Variants in PCDH15 observed in about 807,000 individuals in gnomAD.
The protein encoded by PCDH15 is protocadherin-15.
Under a neutral mutation model 178.5 loss-of-function variants are expected in PCDH15, and 129 were observed. The ratio of observed to expected loss-of-function variants is 0.72; its 90% CI spans 0.63 to 0.84. The LOEUF is 0.84. PCDH15 is among the 40% of genes least tolerant of loss of function. The pLI, the probability that PCDH15 is intolerant of heterozygous loss-of-function variation, is 0.00. For synonymous variants in PCDH15, 800 were observed against 732.0 expected (o/e 1.09, Z -1.50); for missense variants, 2,230 against 2,099.9 (o/e 1.06, Z -1.21).
In PCDH15 at chr10:53,828,558, T is replaced by C. The variant is rs756020408; in HGVS notation, c.4211+7A>G. Reference sequence around the variant, plus strand: ...AAAAGGATGTGTAAAATGTTAATTATACTTACACTTTAAACCTGTTTGGGA... The same window carrying C: ...AAAAGGATGTGTAAAATGTTAATTACACTTACACTTTAAACCTGTTTGGGA... On this transcript the variant is annotated splice_region_variant and intron_variant, in intron 31 of 37. Transcript: ENST00000644397. 20 of 1,552,908 alleles carry C rather than the reference T, an allele frequency of 1.3e-5. No individual in the cohort carries two copies. In the African/African-American group the frequency reaches 2.6e-4, roughly 20 times the overall value.
chr10:54,602,997 C>T (rs1164477129), intron 2 of PCDH15, among the ~76,000 whole-genome samples: 12 of 151,872 alleles, frequency 7.9e-5, no homozygotes, highest in Non-Finnish European at 1.0e-4. Context: ...AGTGTTCCAT[C>T]ATCTAGATTT....
intron 2 of PCDH15, among the ~76,000 whole-genome samples, chr10:55,038,680 G>A (rs531443547): frequency 9.8e-4 from 149 of 152,254 alleles, no homozygotes; most frequent in Non-Finnish European, 1.4e-3. Flanking sequence ...GGACTCTATA[G>A]TAGTAATGAT....
At chr10:55,174,746 T>C (rs183908922) in intron 1 of PCDH15, among the ~76,000 whole-genome samples, 414 of 152,276 alleles carry the variant, frequency 2.7e-3, no homozygotes, top group Non-Finnish European at 4.9e-3. Flanking sequence ...CCATGTTCTT[T>C]CTTAACTTGT....
chr10:54,811,294 CAT>C (rs1952858508), intron 3 of PCDH15, among the ~76,000 whole-genome samples: 2 of 151,860 alleles, frequency 1.3e-5, no homozygotes, highest in South Asian at 2.1e-4. Context: ...ATAAAAAACA[CAT>C]ATAGATTCTC....
intron 23 of PCDH15, among the ~76,000 whole-genome samples, chr10:53,953,847 T>C (rs2087335635): frequency 2.0e-5 from 3 of 152,160 alleles, no homozygotes. Context: ...TGGAGTGCAG[T>C]GGCGCAATCT....
At chr10:54,320,184 TGAG>T (rs1564956430) in intron 7 of PCDH15, among the ~76,000 whole-genome samples, 1 of 152,098 alleles carries the variant, frequency 6.6e-6, no homozygotes, top group African/African-American at 2.4e-5. Context: ...CAGATACTTA[TGAG>T]AGTGAGGCTG....
intron 2 of PCDH15, among the ~76,000 whole-genome samples, chr10:54,559,718 A>AT (rs2087800800): frequency 6.6e-6 from 1 of 151,970 alleles, no homozygotes; most frequent in Non-Finnish European, 1.5e-5. Context: ...TACCTTAATG[A>AT]TGACCTCTTC....
At chr10:54,974,084 GACACACACACACATACAGACACAC>G (rs1839006368) in intron 2 of PCDH15, among the ~76,000 whole-genome samples, 3 of 129,224 alleles carry the variant, frequency 2.3e-5, no homozygotes, top group Non-Finnish European at 3.4e-5. Context: ...CACACACACA[GACACACACACACATACAGACACAC>G]ACACACACAT....
At position 55,207,971 on chromosome 10, in the gene PCDH15, AAAAC is replaced by A. The variant is rs560366726; in HGVS notation, c.-155-41324_-155-41321del. ...GTGACAGAGTGACAGTCTATCTCAAAAAACAAACAAACAAACAAAAAATTAATAG... is the reference window on the plus strand; with the variant it reads ...GTGACAGAGTGACAGTCTATCTCAAAAAACAAACAAACAAAAAATTAATAG... On this transcript the variant is annotated intron_variant, in intron 1 of 5. Transcript: ENST00000458638. Among the ~76,000 whole-genome samples the A allele has an allele frequency of 2.4e-3, 372 of 152,254 alleles. 6 individuals are homozygous for A. The highest frequency in any genetic ancestry group is 8.2e-3 in the African/African-American group (342 of 41,520).
intron 1 of PCDH15, among the ~76,000 whole-genome samples, chr10:55,228,541 A>G (rs1841121009): frequency 6.6e-6 from 1 of 152,046 alleles, no homozygotes; most frequent in Non-Finnish European, 1.5e-5. Flanking sequence ...TTTGTAATTA[A>G]GTGTTAAATG....
intron 2 of PCDH15, among the ~76,000 whole-genome samples, chr10:55,573,236 G>A (rs956137806): frequency 1.3e-5 from 2 of 152,026 alleles, no homozygotes; most frequent in Admixed American, 6.6e-5. Context: ...AAGCAACAAA[G>A]GTAAATGTAA....
chr10:54,472,796 A>G (rs1196851409), intron 3 of PCDH15, among the ~76,000 whole-genome samples: 1 of 152,302 alleles, frequency 6.6e-6, no homozygotes, highest in East Asian at 1.9e-4. Flanking sequence ...AGGAGTGGAC[A>G]GGTGTTTATG....
At chr10:54,189,401 C>T (rs1333837096) in intron 11 of PCDH15, 2 of 1,499,848 alleles carry the variant, frequency 1.3e-6, no homozygotes, top group Non-Finnish European at 9.0e-7. Flanking sequence ...GCAAATTAAA[C>T]ATGAAATAAA....
At chr10:55,172,869 T>C (rs983467415) in intron 1 of PCDH15, among the ~76,000 whole-genome samples, 19 of 151,938 alleles carry the variant, frequency 1.3e-4, no homozygotes, top group Non-Finnish European at 5.9e-5. Flanking sequence ...AGAAAGCTGT[T>C]ATTAGAAAAA....
rs570813828 is a variant in PCDH15 at position 55,107,615 on chromosome 10, C to T, written c.-80+58961G>A. ...CAAGCGATTCTACTGCTTCAAACTCCCAAGTAGCTTGTATTGCAGGTGCGC... is the reference window on the plus strand; with the variant it reads ...CAAGCGATTCTACTGCTTCAAACTCTCAAGTAGCTTGTATTGCAGGTGCGC... On this transcript the variant is annotated intron_variant, in intron 2 of 5. Transcript: ENST00000458638. Among the ~76,000 whole-genome samples, 15 of 151,536 alleles carry T rather than the reference C, an allele frequency of 9.9e-5. No individual in the cohort carries two copies. The South Asian group carries it at 1.5e-3, about 15-fold the overall frequency.
intron 3 of PCDH15, among the ~76,000 whole-genome samples, chr10:54,494,721 T>C (rs2079948058): frequency 6.6e-6 from 1 of 152,162 alleles, no homozygotes; most frequent in Non-Finnish European, 1.5e-5. Flanking sequence ...TCTATTTTAA[T>C]AGTCCCTTTC....
At chr10:55,275,235 A>G (rs1842558509) in intron 1 of PCDH15, among the ~76,000 whole-genome samples, 2 of 152,026 alleles carry the variant, frequency 1.3e-5, no homozygotes, top group Admixed American at 6.5e-5. Flanking sequence ...TGTTACTTTC[A>G]TCAATCATAA....
chr10:54,780,499 A>G (rs369089414), intron 1 of PCDH15, among the ~76,000 whole-genome samples: 21 of 152,192 alleles, frequency 1.4e-4, no homozygotes, highest in East Asian at 9.7e-4. Flanking sequence ...TTAATGTACA[A>G]TTCTTTATAT....
At chr10:54,268,253 T>C (rs1442635385) in intron 8 of PCDH15, among the ~76,000 whole-genome samples, 1 of 151,872 alleles carries the variant, frequency 6.6e-6, no homozygotes, top group Non-Finnish European at 1.5e-5. Flanking sequence ...GGCTCCTGTC[T>C]CTGACCATAT....
Sources: allele counts gnomAD v4.1 joint callset (sites outside exome capture counted in the v4.1 genomes callset), GRCh38; gene constraint gnomAD v4.1.1; transcripts MANE v1.5; gene names NCBI Gene and HGNC (gene_info 2026-07-23, HGNC 2026-07-21).